TMF1: variants seen among roughly 807,000 people sequenced by gnomAD.
TMF1 encodes TATA element modulatory factor.
In TMF1, 71 loss-of-function variants were observed where a neutral mutation model predicts 126.5. The observed-to-expected ratio is 0.56, with a 90% CI of 0.46 to 0.68. TMF1 has a LOEUF of 0.68. TMF1 is among the 30% of genes least tolerant of loss of function. The pLI, the probability that TMF1 is intolerant of heterozygous loss-of-function variation, is 0.00. For synonymous variants in TMF1, 461 were observed against 430.5 expected, an observed-to-expected ratio of 1.07 and a Z score of -0.88; for missense variants, 1,259 against 1,253.2, an observed-to-expected ratio of 1.00 and a Z score of -0.07.
In TMF1 at chr3:69,052,308, TC is replaced by T. The variant is rs1272881291; in HGVS notation, c.-223del. The T allele has an allele frequency of 7.2e-6, 3 of 414,286 alleles. No individual in the cohort carries two copies. The highest frequency in any genetic ancestry group is 1.3e-5 in the Non-Finnish European group (3 of 229,996). The allele number at this position is 414,286 out of a possible 1,614,324, so 25.7% of individuals were successfully genotyped here. ...CCCATGTGCGCATGCGCTTGCTTCT[TC>T]CACGTACACAGCAACCAAATCTACG... On this transcript the variant is annotated 5_prime_UTR_variant, in exon 1 of 17. Transcript: ENST00000398559.
intron 4 of TMF1, 89 bp downstream of exon 4, chr3:69,043,661 T>G: frequency 7.9e-7 from 1 of 1,269,058 alleles, no homozygotes; most frequent in South Asian, 1.6e-5. Flanking sequence ...TTACTTCTCT[T>G]TTTTCCAATA....
rs1484824435 is a variant in TMF1, at chr3:69,028,278, T to C, written c.2612A>G (p.Glu871Gly). ...DENNRYQVEL[E>G]NLKDEYVRTL... ...TCTTACATATTCATCTTTTAGGTTT[T>C]CCAATTCAACCTGGTACCTATTAAA... The change falls in exon 12 of 17, where the codon GAA becomes GGA. Residue 871 changes from glutamate (E) to glycine (G), a missense_variant. Physicochemically the swap from Glu to Gly is moderately conservative, Grantham distance 98. Transcript: ENST00000398559. 6.2e-7 allele frequency: 1 copy of C among 1,612,452 alleles called. No homozygotes were observed. Among genetic ancestry groups the C allele is most frequent in the African/African-American group, 1.3e-5 (1 of 74,914 alleles).
Position 69,020,782 on chromosome 3 carries a change from A to G in TMF1, c.*2395T>C, listed in dbSNP as rs1293401369. 2.6e-5 allele frequency: 4 copies of G among 152,210 alleles called. No individual in the cohort carries two copies. The highest frequency in any genetic ancestry group is 2.6e-4 in the Admixed American group (4 of 15,290). 9.4% of individuals were successfully genotyped at this position (152,210 alleles called of 1,614,324 possible). ...TTGTAGATAAAGAGTAATATATGGTAATATGTAACTAGAAACTATGTAACT... is the reference window on the plus strand; with the variant it reads ...TTGTAGATAAAGAGTAATATATGGTGATATGTAACTAGAAACTATGTAACT... On this transcript the variant is annotated 3_prime_UTR_variant, in exon 17 of 17. Coordinates refer to ENST00000398559, the MANE Select transcript of TMF1 (RefSeq NM_007114.3).
At chr3:69,051,176 A>T (rs1182683484) in intron 1 of TMF1, among the ~76,000 whole-genome samples, 2 of 152,118 alleles carry the variant, frequency 1.3e-5, no homozygotes, top group Non-Finnish European at 2.9e-5. Context: ...AGTTGTTCTG[A>T]AGATGAGAAG....
rs937858 is a variant in TMF1 at position 69,033,722 on chromosome 3, G to T, written c.2245-18C>A. On this transcript the variant is annotated intron_variant, in intron 9 of 16. Transcript: ENST00000398559. Reference sequence around the variant, plus strand: ...TGGAGTCTCTGAATCATGAAATTCTGAAGTCATTACCAATGACAGCAATAA... The same window carrying T: ...TGGAGTCTCTGAATCATGAAATTCTTAAGTCATTACCAATGACAGCAATAA... 0.26 allele frequency: 410,833 copies of T among 1,588,108 alleles called. 54,901 individuals carry two copies. Among genetic ancestry groups the T allele is most frequent in the East Asian group, 0.45 (19,597 of 44,032 alleles).
At chr3:69,051,799 A>G in intron 1 of TMF1, 146 bp downstream of exon 1, 1 of 927,394 alleles carries the variant, frequency 1.1e-6, no homozygotes, top group Non-Finnish European at 1.6e-6. Flanking sequence ...TGGAGGCTGA[A>G]GCAGCATTAG....
In TMF1 at chr3:69,023,266, C is replaced by T; in HGVS notation, c.3193G>A (p.Glu1065Lys). Reference sequence around the variant, plus strand: ...AGATCTAATCGAAGTTCTTCTGCCTCTTCTGCTTTTTCTCCATACATCTGC... The same window carrying T: ...AGATCTAATCGAAGTTCTTCTGCCTTTTCTGCTTTTTCTCCATACATCTGC... ...ILQMYGEKAE[E>K]AEELRLDLED... The change falls in exon 17 of 17, where the codon GAG (glutamate) becomes AAG (lysine). Residue 1065 changes from glutamate (E) to lysine (K), a missense_variant. Physicochemically the swap from Glu to Lys is moderately conservative, Grantham distance 56 (BLOSUM62 1). Transcript: ENST00000398559. 1 of 1,612,252 alleles carries T rather than the reference C, an allele frequency of 6.2e-7. No homozygotes were observed. The highest frequency in any genetic ancestry group is 8.5e-7 in the Non-Finnish European group (1 of 1,178,956).
At chr3:69,025,042 G>C (rs2091760640) in intron 15 of TMF1, 1 of 152,214 alleles carries the variant, frequency 6.6e-6, no homozygotes, top group South Asian at 2.1e-4. Flanking sequence ...AGGTAAGATG[G>C]AAGGATGCTC....
Position 69,028,292 on chromosome 3 carries a change from G to A in TMF1, c.2598C>T (p.Tyr866=). 1 of 1,607,540 alleles carries A rather than the reference G, an allele frequency of 6.2e-7. No homozygotes were observed. The highest frequency in any genetic ancestry group is 8.5e-7 in the Non-Finnish European group (1 of 1,174,826). ...CTTTTAGGTTTTCCAATTCAACCTGGTACCTATTAAACAAGGCAGAATTTA... is the reference window on the plus strand; with the variant it reads ...CTTTTAGGTTTTCCAATTCAACCTGATACCTATTAAACAAGGCAGAATTTA... ...LCKLEDENNR[Y]QVELENLKDE... is the part of the protein sequence containing the mutation. Residue 866 remains tyrosine (Y), a synonymous_variant, in exon 12 of 17, where the codon TAC becomes TAT. Coordinates refer to ENST00000398559, the MANE Select transcript of TMF1 (RefSeq NM_007114.3).
At chr3:69,024,297 T>A in intron 15 of TMF1, 117 bp from the exon 16 acceptor site, 1 of 919,634 alleles carries the variant, frequency 1.1e-6, no homozygotes, top group Non-Finnish European at 1.6e-6. Flanking sequence ...AATAGACATG[T>A]CAACATATAA....
chr3:69,040,995 T>C (rs2091861294), intron 5 of TMF1, among the ~76,000 whole-genome samples: 1 of 152,160 alleles, frequency 6.6e-6, no homozygotes, highest in African/African-American at 2.4e-5. Context: ...GTAAATACTC[T>C]GTGAATATAA....
At chr3:69,049,160 C>G (rs766821430) in intron 1 of TMF1, 4 of 152,352 alleles carry the variant, frequency 2.6e-5, no homozygotes, top group African/African-American at 9.7e-5. Flanking sequence ...CATTTGAGTC[C>G]AGGAGTTCAA....
intron 10 of TMF1, among the ~76,000 whole-genome samples, chr3:69,031,848 G>A (rs2091804889): frequency 6.6e-6 from 1 of 152,142 alleles, no homozygotes; most frequent in South Asian, 2.1e-4. Context: ...ACATATTGCT[G>A]AGGGTATGTA....
intron 10 of TMF1, 32 bp from the exon 11 acceptor site, chr3:69,030,039 C>T: frequency 6.4e-7 from 1 of 1,573,312 alleles, no homozygotes; most frequent in South Asian, 1.2e-5. Flanking sequence ...AAATCACATA[C>T]ACATACAGCC....
In TMF1 at chr3:69,047,271, T is replaced by C. The variant is rs1181469877; in HGVS notation, c.1347+87A>G. ...TATGTTTTTAAATCTGTATAAATTA[T>C]TATGCATCAATGAAAGTATTTTTTA... On this transcript the variant is annotated intron_variant, in intron 2 of 16. Coordinates refer to ENST00000398559, the MANE Select transcript of TMF1 (RefSeq NM_007114.3). 1.3e-5 allele frequency: 18 copies of C among 1,414,108 alleles called. No individual in the cohort carries two copies. In the East Asian group the frequency reaches 2.1e-4, roughly 16 times the overall value. 87.6% of individuals were successfully genotyped at this position (1,414,108 alleles called of 1,614,324 possible).
intron 2 of TMF1, among the ~76,000 whole-genome samples, chr3:69,047,000 T>C (rs550215272): frequency 1.5e-4 from 23 of 152,306 alleles, no homozygotes; most frequent in African/African-American, 4.8e-4. Context: ...CACATCTATC[T>C]GCAAAGGAGG....
At position 69,052,141 on chromosome 3, in the gene TMF1, C is replaced by G; in HGVS notation, c.-55G>C. On this transcript the variant is annotated 5_prime_UTR_variant, in exon 1 of 17. Coordinates refer to ENST00000398559, the MANE Select transcript of TMF1 (RefSeq NM_007114.3). ...CAGCACCAAGCGGGAAGGCCTCAGGCCTGGGGAAGGGTGCAGAGGAACGGC... is the reference window on the plus strand; with the variant it reads ...CAGCACCAAGCGGGAAGGCCTCAGGGCTGGGGAAGGGTGCAGAGGAACGGC... 2 of 1,567,548 alleles carry G rather than the reference C, an allele frequency of 1.3e-6. No individual in the cohort carries two copies. The highest frequency in any genetic ancestry group is 1.2e-5 in the South Asian group (1 of 86,004).
Position 69,039,632 on chromosome 3 carries a change from T to C in TMF1, c.1746A>G (p.Lys582=), listed in dbSNP as rs758187213. 5 of 1,613,676 alleles carry C rather than the reference T, an allele frequency of 3.1e-6. No homozygotes were observed. Among genetic ancestry groups the C allele is most frequent in the Non-Finnish European group, 4.2e-6 (5 of 1,179,934 alleles). ...CAACCATATTTTCATTCTCCTTGTC[T>C]TTAGCTCTTAATTTCTTGATGATGT... is the stretch of plus-strand genomic sequence containing the variant. ...NSNIIKKLRA[K]DKENENMVAK... is the part of the protein sequence containing the mutation. Residue 582 remains lysine, a synonymous_variant, in exon 6 of 17, where the codon AAA becomes AAG. Coordinates refer to ENST00000398559, the MANE Select transcript of TMF1 (RefSeq NM_007114.3).
At chr3:69,037,029 A>T (rs1361004627) in intron 8 of TMF1, among the ~76,000 whole-genome samples, 1 of 152,224 alleles carries the variant, frequency 6.6e-6, no homozygotes, top group Non-Finnish European at 1.5e-5. Context: ...CCTATATCTG[A>T]TAAAGGTCTA....
Sources: allele counts gnomAD v4.1 joint callset (sites outside exome capture counted in the v4.1 genomes callset), GRCh38; gene constraint gnomAD v4.1.1; transcripts MANE v1.5; gene names NCBI Gene and HGNC (gene_info 2026-07-23, HGNC 2026-07-21).